Variants in GCAT observed in about 807,000 individuals in gnomAD.
GCAT encodes glycine C-acetyltransferase.
In GCAT, 26 loss-of-function variants were observed where a neutral mutation model predicts 39.7. The observed-to-expected ratio is 0.65, with a 90% confidence interval of 0.48 to 0.91. The LOEUF (loss-of-function observed/expected upper bound fraction) is 0.91. GCAT is among the 40% of genes least tolerant of loss of function. The probability of loss-of-function intolerance (pLI) is 0.00; values close to 1 mark genes in which losing one functional copy is unlikely to be tolerated. For missense variants in GCAT, 550 were observed against 576.2 expected (o/e 0.95, Z 0.47); for synonymous variants, 218 against 237.2 (o/e 0.92, Z 0.74).
At chr22:37,816,102 T>C (rs1922161383) in intron 7 of GCAT, 98 bp from the exon 8 acceptor site, 1 of 1,427,728 alleles carries the variant, frequency 7.0e-7, no homozygotes, top group Non-Finnish European at 9.5e-7. Flanking sequence ...TTGATCCTTC[T>C]TGCAGACTTG....
intron 4 of GCAT, 30 bp downstream of exon 4, chr22:37,813,639 C>T: frequency 6.4e-7 from 1 of 1,568,410 alleles, no homozygotes; most frequent in Non-Finnish European, 8.6e-7. Flanking sequence ...CACCCTCAGC[C>T]TCCGCCTGGG....
chr22:37,815,203 C>T lies in GCAT; in HGVS notation c.654C>T (p.Cys218=). The T allele has an allele frequency of 6.2e-7, 1 of 1,614,072 alleles. No homozygotes were observed. ...DGDIAPLQEI[C]CLASRYGALV... The stretch of plus-strand genomic sequence containing the variant: ...ACATCGCACCCCTGCAGGAGATCTG[C>T]TGCCTCGCCTCTAGATATGGTGCCC... Residue 218 remains cysteine (C), a synonymous_variant, in exon 5 of 9, where the codon TGC becomes TGT. Coordinates refer to ENST00000248924, the MANE Select transcript of GCAT (RefSeq NM_014291.4).
intron 2 of GCAT, among the ~76,000 whole-genome samples, chr22:37,811,371 C>CT (rs1273801722): frequency 5.7e-4 from 86 of 150,180 alleles, no homozygotes; most frequent in Non-Finnish European, 7.4e-5. Flanking sequence ...ATCGCAGCCA[C>CT]TTGGGAGGCT....
intron 8 of GCAT, 43 bp downstream of exon 8, chr22:37,816,364 G>A: frequency 6.3e-7 from 1 of 1,599,698 alleles, no homozygotes; most frequent in Non-Finnish European, 8.5e-7. Flanking sequence ...GGTCCTGAGA[G>A]AAGAGAAAGG....
chr22:37,810,390 A>G (rs1921448451), intron 2 of GCAT, among the ~76,000 whole-genome samples: 1 of 152,156 alleles, frequency 6.6e-6, no homozygotes, highest in Admixed American at 6.5e-5. Flanking sequence ...TCTGTCACCC[A>G]GGCTGGAGTG....
intron 2 of GCAT, among the ~76,000 whole-genome samples, chr22:37,812,615 C>A (rs1422230749): frequency 6.6e-6 from 1 of 152,226 alleles, no homozygotes; most frequent in Non-Finnish European, 1.5e-5. Flanking sequence ...CATCTTTCTT[C>A]TCCACGAGTG....
Position 37,815,225 on chromosome 22 carries a change from G to A in GCAT, c.676G>A (p.Ala226Thr), listed in dbSNP as rs776424072. ...EICCLASRYG[A>T]LVFMDECHAT... ...CTGCTGCCTCGCCTCTAGATATGGT[G>A]CCCTGGTCTTCATGGATGAATGCCA... The change falls in exon 5 of 9, where the codon GCC (alanine) becomes ACC (threonine). Residue 226 changes from alanine to threonine, a missense_variant. Ala to Thr is a moderately conservative substitution (Grantham distance 58). This residue lies in a region of GCAT where 378 missense variants were observed against 390.4 expected (regional missense o/e 0.97). Coordinates refer to ENST00000248924, the MANE Select transcript of GCAT (RefSeq NM_014291.4). 3.5e-5 allele frequency: 57 copies of A among 1,613,996 alleles called. No homozygotes were observed. In the Admixed American group the frequency reaches 9.5e-4, roughly 27 times the overall value.
Position 37,815,180 on chromosome 22 carries a change from A to G in GCAT, c.631A>G (p.Ile211Val), listed in dbSNP as rs770379425. The change falls in exon 5 of 9, where the codon ATC (isoleucine) becomes GTC (valine). Residue 211 changes from isoleucine to valine, a missense_variant. Coordinates refer to ENST00000248924, the MANE Select transcript of GCAT (RefSeq NM_014291.4). ...TGGGGCCTTTTCCATGGATGGCGACATCGCACCCCTGCAGGAGATCTGCTG... is the reference window on the plus strand; with the variant it reads ...TGGGGCCTTTTCCATGGATGGCGACGTCGCACCCCTGCAGGAGATCTGCTG... ...TDGAFSMDGD[I>V]APLQEICCLA... 129 of 1,613,992 alleles carry G rather than the reference A, an allele frequency of 8.0e-5. No homozygotes were observed. Among genetic ancestry groups the G allele is most frequent in the Middle Eastern group, 1.6e-4 (1 of 6,084 alleles).
At chr22:37,809,965 C>T in intron 1 of GCAT, 62 bp from the exon 2 acceptor site, 1 of 1,595,628 alleles carries the variant, frequency 6.3e-7, no homozygotes, top group Non-Finnish European at 8.5e-7. Flanking sequence ...GCACTGTCAT[C>T]TTTCCAGGCC....
chr22:37,815,614 G>A (rs375885603), intron 6 of GCAT, 49 bp from the exon 7 acceptor site: 1 of 1,511,772 alleles, frequency 6.6e-7, no homozygotes, highest in Non-Finnish European at 9.2e-7. Flanking sequence ...GGTTGGGTAG[G>A]CTCTGGCCCC....
intron 1 of GCAT, among the ~76,000 whole-genome samples, chr22:37,809,053 A>G (rs763137): frequency 0.87 from 132,351 of 152,254 alleles, 57,664 homozygotes; most frequent in East Asian, 0.99. Flanking sequence ...GGTGAGTGGT[A>G]ATCATCAACA....
intron 4 of GCAT, among the ~76,000 whole-genome samples, 170 bp downstream of exon 4, chr22:37,813,779 T>C (rs989537309): frequency 2.2e-4 from 34 of 151,838 alleles, no homozygotes; most frequent in Non-Finnish European, 1.2e-4. Flanking sequence ...TTTTTTTTTT[T>C]CCCTGAGACA....
At position 37,814,022 on chromosome 22, in the gene GCAT, C is replaced by T. The variant is rs1921896259; in HGVS notation, c.576+413C>T. On this transcript the variant is annotated intron_variant, in intron 4 of 8. Transcript: ENST00000248924. ...CTCAGTTGATTTCACCCACCTAGGCCTCCCAAAGTGCTGGGATTATAGACG... is the reference window on the plus strand; with the variant it reads ...CTCAGTTGATTTCACCCACCTAGGCTTCCCAAAGTGCTGGGATTATAGACG... 2.6e-5 allele frequency among the ~76,000 whole-genome samples: 4 copies of T among 151,906 alleles called. No homozygotes were observed. In the South Asian group the frequency reaches 8.3e-4, roughly 32 times the overall value.
Position 37,815,154 on chromosome 22 carries a change from A to G in GCAT, c.605A>G (p.Asp202Gly). Residue 202 changes from aspartate to glycine, a missense_variant, in exon 5 of 9, where the codon GAT (aspartate) becomes GGT (glycine). Physicochemically the swap from Asp to Gly is moderately conservative, Grantham distance 94. Coordinates refer to ENST00000248924, the MANE Select transcript of GCAT (RefSeq NM_014291.4). ...QKHRLRLVAT[D>G]GAFSMDGDIA... is the part of the protein sequence containing the mutation. ...CATCGGCTGCGCCTGGTGGCCACTG[A>G]TGGGGCCTTTTCCATGGATGGCGAC... 2 of 1,613,984 alleles carry G rather than the reference A, an allele frequency of 1.2e-6. No individual in the cohort carries two copies. Among genetic ancestry groups the G allele is most frequent in the Non-Finnish European group, 1.7e-6 (2 of 1,179,984 alleles).
chr22:37,815,637 C>T (rs1488428060), intron 6 of GCAT, 26 bp from the exon 7 acceptor site: 3 of 1,560,566 alleles, frequency 1.9e-6, no homozygotes, highest in Non-Finnish European at 2.6e-6. Context: ...ACCAACCCCT[C>T]CCCCCACCTC....
At position 37,813,498 on chromosome 22, in the gene GCAT, C is replaced by G; in HGVS notation, c.465C>G (p.Asp155Glu). 6.2e-7 allele frequency: 1 copy of G among 1,609,938 alleles called. No individual in the cohort carries two copies. The highest frequency in any genetic ancestry group is 8.5e-7 in the Non-Finnish European group (1 of 1,178,396). ...CCCCAGAGGACGCAGTCCTGTCGGA[C>G]GAGCTGAACCATGCCTCCATCATCG... ...LLTPEDAVLSDELNHASIIDG... is the reference protein window; with the variant it reads ...LLTPEDAVLSEELNHASIIDG... The change falls in exon 4 of 9, where the codon GAC becomes GAG. Residue 155 changes from aspartate (D) to glutamate (E), a missense_variant. Around this residue, in one of 3 missense-constraint regions of GCAT, gnomAD observed 378 missense variants for 390.4 expected, o/e 0.97. Coordinates refer to ENST00000248924, the MANE Select transcript of GCAT (RefSeq NM_014291.4).
At position 37,808,085 on chromosome 22, in the gene GCAT, G is replaced by C; in HGVS notation, c.118G>C (p.Gly40Arg). 1 of 1,573,060 alleles carries C rather than the reference G, an allele frequency of 6.4e-7. No individual in the cohort carries two copies. Among genetic ancestry groups the C allele is most frequent in the East Asian group, 2.4e-5 (1 of 41,076 alleles). ...GGAGGGGGAGCTGGAAGGCATCCGCGGAGCTGGCACTTGGAAGAGTGAGCG... is the reference window on the plus strand; with the variant it reads ...GGAGGGGGAGCTGGAAGGCATCCGCCGAGCTGGCACTTGGAAGAGTGAGCG... ...ILEGELEGIRGAGTWKSERVI... is the reference protein window; with the variant it reads ...ILEGELEGIRRAGTWKSERVI... Residue 40 changes from glycine to arginine, a missense_variant, in exon 1 of 9, where the codon GGA becomes CGA. Gly to Arg is a moderately radical substitution (Grantham distance 125). This residue lies in a region of GCAT where 154 missense variants were observed against 141.9 expected (regional missense o/e 1.08). Transcript: ENST00000248924.
chr22:37,813,282 G>T (rs1172313537), intron 3 of GCAT, 181 bp from the exon 4 acceptor site: 2 of 733,306 alleles, frequency 2.7e-6, no homozygotes, highest in Middle Eastern at 2.4e-4. Flanking sequence ...ACTAGAGCAG[G>T]GCGCTGGTCC....
Position 37,813,483 on chromosome 22 carries a change from C to T in GCAT, c.450C>T (p.Asp150=), listed in dbSNP as rs761044481. 45 of 1,605,184 alleles carry T rather than the reference C, an allele frequency of 2.8e-5. No homozygotes were observed. The highest frequency in any genetic ancestry group is 1.6e-4 in the Middle Eastern group (1 of 6,074). The stretch of plus-strand genomic sequence containing the variant: ...TCCAGGCCCTGCTGACCCCAGAGGA[C>T]GCAGTCCTGTCGGACGAGCTGAACC... ...GLFEALLTPE[D]AVLSDELNHA... is the part of the protein sequence containing the mutation. Residue 150 remains aspartate (D), a synonymous_variant, in exon 4 of 9, where the codon GAC becomes GAT. Coordinates refer to ENST00000248924, the MANE Select transcript of GCAT (RefSeq NM_014291.4).
Sources: gnomAD v4.1 joint callset for allele counts (sites outside exome capture counted in the v4.1 genomes callset) on GRCh38, gnomAD v4.1.1 for gene constraint, gnomAD v4.1.1 regional missense constraint, MANE v1.5 for transcripts, NCBI Gene and HGNC (gene_info 2026-07-23, HGNC 2026-07-21) for gene names.